DCLK2: variants seen among roughly 807,000 people sequenced by gnomAD.
DCLK2 encodes the protein serine/threonine-protein kinase DCLK2.
DCLK2 carries 31 observed loss-of-function variants against 78.4 expected under a neutral mutation model. The observed-to-expected ratio is 0.40, with a 90% CI of 0.30 to 0.53. The LOEUF is 0.53. DCLK2 is among the 20% of genes least tolerant of loss of function. The pLI is 0.61. For missense variants in DCLK2, 872 were observed against 973.7 expected (o/e 0.90, Z 1.39); for synonymous variants, 407 against 374.9 (o/e 1.09, Z -0.99).
intron 2 of DCLK2, among the ~76,000 whole-genome samples, chr4:150,159,475 C>A (rs1318307322): frequency 6.6e-6 from 1 of 152,216 alleles, no homozygotes; most frequent in Non-Finnish European, 1.5e-5. Context: ...ACACAGTCAC[C>A]TTTCCTAGGC....
chr4:150,087,384 T>C (rs981576715), intron 1 of DCLK2, among the ~76,000 whole-genome samples: 2 of 152,256 alleles, frequency 1.3e-5, no homozygotes, highest in Admixed American at 6.5e-5. Flanking sequence ...TTCATTGATC[T>C]CTTCCTTCAC....
At chr4:150,144,289 C>A (rs181533756) in intron 2 of DCLK2, among the ~76,000 whole-genome samples, 2 of 152,078 alleles carry the variant, frequency 1.3e-5, no homozygotes, top group East Asian at 3.9e-4. Context: ...CAATTTTATT[C>A]TTTTGTATAT....
Position 150,220,734 on chromosome 4 carries a change from A to G in DCLK2, c.1088A>G (p.Asn363Ser), listed in dbSNP as rs1289711095. Residue 363 changes from asparagine to serine, a missense_variant, in exon 6 of 16, where the codon AAT (asparagine) becomes AGT (serine). Coordinates refer to ENST00000296550, the MANE Select transcript of DCLK2 (RefSeq NM_001040260.4). ...TCTGCTCATGGCAGATCTTCTTCCAATGTAAACGGTGGACCTGAGCTTGAC... is the reference window on the plus strand; with the variant it reads ...TCTGCTCATGGCAGATCTTCTTCCAGTGTAAACGGTGGACCTGAGCTTGAC... ...QISAHGRSSS[N>S]VNGGPELDRC... The G allele has an allele frequency of 5.6e-6, 9 of 1,613,950 alleles. No individual in the cohort carries two copies. Among genetic ancestry groups the G allele is most frequent in the Middle Eastern group, 1.7e-4 (1 of 6,060 alleles).
At chr4:150,182,670 G>A (rs1038938656) in intron 2 of DCLK2, among the ~76,000 whole-genome samples, 5 of 151,934 alleles carry the variant, frequency 3.3e-5, no homozygotes, top group Non-Finnish European at 7.4e-5. Flanking sequence ...TTGTTTGGGG[G>A]GTTTAAAATG....
At chr4:150,086,280 G>C (rs1450358997) in intron 1 of DCLK2, among the ~76,000 whole-genome samples, 4 of 152,124 alleles carry the variant, frequency 2.6e-5, no homozygotes, top group Non-Finnish European at 5.9e-5. Flanking sequence ...TATTTATTAA[G>C]ATAGCCAGTT....
intron 2 of DCLK2, among the ~76,000 whole-genome samples, chr4:150,142,210 C>A (rs894422996): frequency 2.0e-5 from 3 of 152,142 alleles, no homozygotes; most frequent in African/African-American, 7.2e-5. Flanking sequence ...CCTTCTCACT[C>A]CCTCTTTAGA....
At chr4:150,132,332 A>T (rs1312893649) in intron 2 of DCLK2, among the ~76,000 whole-genome samples, 1 of 152,212 alleles carries the variant, frequency 6.6e-6, no homozygotes, top group Non-Finnish European at 1.5e-5. Flanking sequence ...ACAAGAGGAA[A>T]TTTAAAATTC....
At chr4:150,147,134 A>G (rs998613477) in intron 2 of DCLK2, among the ~76,000 whole-genome samples, 2 of 152,002 alleles carry the variant, frequency 1.3e-5, no homozygotes, top group Non-Finnish European at 2.9e-5. Flanking sequence ...AAAAAAATAA[A>G]AAATAAAAAA....
rs34362156 is a variant in DCLK2 at position 150,240,769 on chromosome 4, GAAA to G, written c.1778+302_1778+304del. 1.4e-4 allele frequency among the ~76,000 whole-genome samples: 19 copies of G among 136,900 alleles called. No individual in the cohort carries two copies. In the South Asian group the frequency reaches 2.3e-3, roughly 17 times the overall value. 89.8% of individuals were successfully genotyped at this position (136,900 alleles called of 152,430 possible). ...TATAATAAAAAAAAAAAAAGAAAAAGAAAAAAAAAAATCAGAAAAAAAAAATTA... is the reference window on the plus strand; with the variant it reads ...TATAATAAAAAAAAAAAAAGAAAAAGAAAAAAAATCAGAAAAAAAAAATTA... On this transcript the variant is annotated intron_variant, in intron 12 of 15. Transcript: ENST00000296550.
chr4:150,126,109 G>A (rs768124290), intron 2 of DCLK2, among the ~76,000 whole-genome samples: 5 of 152,168 alleles, frequency 3.3e-5, no homozygotes, highest in Non-Finnish European at 5.9e-5. Context: ...TCACAAAGGA[G>A]TCAACTGATC....
At chr4:150,110,605 A>G (rs1312689438) in intron 2 of DCLK2, among the ~76,000 whole-genome samples, 1 of 152,092 alleles carries the variant, frequency 6.6e-6, no homozygotes, top group Admixed American at 6.5e-5. Flanking sequence ...ATTGTACCCA[A>G]TATGTAGTTT....
intron 2 of DCLK2, among the ~76,000 whole-genome samples, chr4:150,172,768 G>GTTTT (rs1736648037): frequency 6.9e-6 from 1 of 144,088 alleles, no homozygotes; most frequent in Non-Finnish European, 1.5e-5. Flanking sequence ...TTTGGGGGGG[G>GTTTT]GGGGGATACC....
At chr4:150,160,041 G>A (rs919783866) in intron 2 of DCLK2, among the ~76,000 whole-genome samples, 1 of 151,414 alleles carries the variant, frequency 6.6e-6, no homozygotes, top group African/African-American at 2.4e-5. Flanking sequence ...GTGAGACGGG[G>A]TCTTAGTCTG....
chr4:150,158,706 T>A lies in DCLK2; in HGVS notation c.757-34432T>A, dbSNP rs548394699. Among the ~76,000 whole-genome samples, 22 of 152,258 alleles carry A rather than the reference T, an allele frequency of 1.4e-4. No individual in the cohort carries two copies. The East Asian group carries it at 4.2e-3, about 29-fold the overall frequency. On this transcript the variant is annotated intron_variant, in intron 2 of 15. Coordinates refer to ENST00000296550, the MANE Select transcript of DCLK2 (RefSeq NM_001040260.4). The stretch of plus-strand genomic sequence containing the variant: ...ATTAACTGTTTCTTGAATGAATAAC[T>A]GAAATAGTAGTGATTAATTCTGCTG...
rs1743489775 is a variant in DCLK2 at position 150,248,368 on chromosome 4, A to C, written c.1939A>C (p.Ser647Arg). ...TCGGTGTACCGCGGGACAAATCCTG[A>C]GTCACCCCTGGGTGTCAGTAAGTAC... ...EARCTAGQIL[S>R]HPWVSDDASQ... Residue 647 changes from serine (S) to arginine (R), a missense_variant, in exon 14 of 16, where the codon AGT becomes CGT. Ser to Arg is a moderately radical substitution (Grantham distance 110, BLOSUM62 -1). Transcript: ENST00000296550. The C allele has an allele frequency of 6.2e-7, 1 of 1,613,936 alleles. No homozygotes were observed. The highest frequency in any genetic ancestry group is 8.5e-7 in the Non-Finnish European group (1 of 1,179,982).
At chr4:150,156,433 TCCCAGGAGTTAAAAA>T (rs1735272819) in intron 2 of DCLK2, among the ~76,000 whole-genome samples, 1 of 151,566 alleles carries the variant, frequency 6.6e-6, no homozygotes, top group Admixed American at 6.6e-5. Context: ...GCTTGCTTGA[TCCCAGGAGTTAAAAA>T]CCAGATGGGG....
At chr4:150,188,798 G>A (rs995169866) in intron 2 of DCLK2, among the ~76,000 whole-genome samples, 3 of 151,650 alleles carry the variant, frequency 2.0e-5, no homozygotes, top group African/African-American at 4.8e-5. Flanking sequence ...CCAGCTACTC[G>A]GGAGGCTGAG....
chr4:150,175,024 A>T (rs6857960), intron 2 of DCLK2, among the ~76,000 whole-genome samples: 3 of 63,936 alleles, frequency 4.7e-5, no homozygotes, highest in African/African-American at 1.7e-4. Context: ...ATATATATAT[A>T]TATATATATT....
intron 2 of DCLK2, among the ~76,000 whole-genome samples, chr4:150,157,802 C>T (rs1002460982): frequency 6.6e-6 from 1 of 152,150 alleles, no homozygotes; most frequent in East Asian, 1.9e-4. Context: ...CATGAGCTAC[C>T]GCTCCTGGCA....
Sources: allele counts gnomAD v4.1 joint callset (sites outside exome capture counted in the v4.1 genomes callset), GRCh38; gene constraint gnomAD v4.1.1; transcripts MANE v1.5; gene names NCBI Gene and HGNC (gene_info 2026-07-23, HGNC 2026-07-21).